ADORA2B: variants seen among roughly 807,000 people sequenced by gnomAD.
ADORA2B encodes adenosine A2b receptor, also known as adenosine receptor A2b.
Under a neutral mutation model 20.8 loss-of-function variants are expected in ADORA2B, and 18 were observed. The ratio of observed to expected loss-of-function variants is 0.87; its 90% CI spans 0.60 to 1.29. ADORA2B has a LOEUF of 1.29. Among genes scored for constraint, ADORA2B ranks in the 50% most tolerant of loss-of-function variants. ADORA2B has a pLI of 0.00. For missense variants in ADORA2B, 441 were observed against 422.7 expected, an observed-to-expected ratio of 1.04 and a Z score of -0.38; for synonymous variants, 179 against 178.3, an observed-to-expected ratio of 1.00 and a Z score of -0.03.
chr17:15,907,350 G>A, the ADORA2B span, among the ~76,000 whole-genome samples: 21 of 152,218 alleles, frequency 1.4e-4, no homozygotes, highest in African/African-American at 5.1e-4. Context: ...CTGTTCAGAT[G>A]TTGAATCAGG....
the ADORA2B span, among the ~76,000 whole-genome samples, chr17:15,865,277 T>G: frequency 6.6e-6 from 1 of 152,138 alleles, no homozygotes; most frequent in Non-Finnish European, 1.5e-5. Flanking sequence ...TGTTGTTGTT[T>G]AAGAGACGGA....
At chr17:15,960,907 A>T (rs1325492657) in intron 1 of ADORA2B, among the ~76,000 whole-genome samples, 2 of 141,260 alleles carry the variant, frequency 1.4e-5, no homozygotes, top group Non-Finnish European at 3.1e-5. Context: ...GTAGCTCACG[A>T]CTATAATCCC....
chr17:15,876,927 C>A, the ADORA2B span, among the ~76,000 whole-genome samples: 1 of 152,136 alleles, frequency 6.6e-6, no homozygotes, highest in Non-Finnish European at 1.5e-5. Flanking sequence ...TTCCCCTTGT[C>A]CCCCAGCCAC....
At chr17:15,872,878 A>G in the ADORA2B span, among the ~76,000 whole-genome samples, 1 of 152,162 alleles carries the variant, frequency 6.6e-6, no homozygotes, top group Non-Finnish European at 1.5e-5. Context: ...CTCTTTTCCA[A>G]TCCGGATACC....
chr17:15,934,985 T>C, the ADORA2B span, among the ~76,000 whole-genome samples: 1 of 152,010 alleles, frequency 6.6e-6, no homozygotes, highest in Non-Finnish European at 1.5e-5. Flanking sequence ...TTTGTATTTT[T>C]TGGTAGAGAC....
chr17:15,969,534 G>C (rs1019845349), intron 1 of ADORA2B, among the ~76,000 whole-genome samples: 1 of 152,092 alleles, frequency 6.6e-6, no homozygotes, highest in Non-Finnish European at 1.5e-5. Context: ...CAGTGTGCCC[G>C]CATCCACCAT....
At chr17:15,881,805 C>T in the ADORA2B span, among the ~76,000 whole-genome samples, 1 of 152,214 alleles carries the variant, frequency 6.6e-6, no homozygotes, top group Admixed American at 6.5e-5. Context: ...GTAGCCCCTA[C>T]CCCATCCTAG....
chr17:15,937,155 ACT>A, the ADORA2B span, among the ~76,000 whole-genome samples: 1 of 152,188 alleles, frequency 6.6e-6, no homozygotes, highest in Admixed American at 6.5e-5. Context: ...CAATGTGGCA[ACT>A]CTGAAAATTG....
chr17:15,967,393 C>T (rs915101531), intron 1 of ADORA2B, among the ~76,000 whole-genome samples: 14 of 152,144 alleles, frequency 9.2e-5, no homozygotes, highest in South Asian at 4.1e-4. Context: ...CCAACACACT[C>T]GGCTAATTTT....
At chr17:15,915,043 C>T in the ADORA2B span, among the ~76,000 whole-genome samples, 2 of 152,230 alleles carry the variant, frequency 1.3e-5, no homozygotes, top group Non-Finnish European at 2.9e-5. Context: ...TGGTATCTCA[C>T]AGTCCTGGGG....
chr17:15,928,814 A>G, the ADORA2B span, among the ~76,000 whole-genome samples: 2 of 152,098 alleles, frequency 1.3e-5, no homozygotes, highest in Non-Finnish European at 2.9e-5. Context: ...GTCTGGCGAC[A>G]GAAGGACAGT....
At chr17:15,930,423 G>T in the ADORA2B span, among the ~76,000 whole-genome samples, 1 of 151,928 alleles carries the variant, frequency 6.6e-6, no homozygotes, top group East Asian at 1.9e-4. Flanking sequence ...AGTCTCCAGA[G>T]GAGCTGGGAC....
At chr17:15,868,631 A>AT in the ADORA2B span, among the ~76,000 whole-genome samples, 14,345 of 130,628 alleles carry the variant, frequency 0.11, 3,006 homozygotes, top group African/African-American at 0.36. Context: ...AAAAAAAAAA[A>AT]TAGCTGGGCG....
At position 15,945,197 on chromosome 17, in the gene ADORA2B, C is replaced by G; in HGVS notation, c.-52C>G. The G allele has an allele frequency of 7.3e-7, 1 of 1,372,264 alleles. No homozygotes were observed. The highest frequency in any genetic ancestry group is 9.4e-7 in the Non-Finnish European group (1 of 1,069,154). The allele number at this position is 1,372,264 out of a possible 1,614,324, so 85.0% of individuals were successfully genotyped here. On this transcript the variant is annotated 5_prime_UTR_variant, in exon 1 of 2. Coordinates refer to ENST00000304222, the MANE Select transcript of ADORA2B (RefSeq NM_000676.4). ...CCCGGCGGGTCTCACGCGGCTGCCCCTCGCCCGGCGCGCCTTCGGTAGGGG... is the reference window on the plus strand; with the variant it reads ...CCCGGCGGGTCTCACGCGGCTGCCCGTCGCCCGGCGCGCCTTCGGTAGGGG...
At chr17:15,851,131 A>T in the ADORA2B span, among the ~76,000 whole-genome samples, 2 of 151,812 alleles carry the variant, frequency 1.3e-5, no homozygotes, top group African/African-American at 2.4e-5. Flanking sequence ...GAAGATCCTT[A>T]TGCAATTTTT....
chr17:15,927,983 G>A, the ADORA2B span, among the ~76,000 whole-genome samples: 1 of 151,950 alleles, frequency 6.6e-6, no homozygotes, highest in South Asian at 2.1e-4. Flanking sequence ...CACCACACCC[G>A]GCTACTTTTT....
chr17:15,938,161 G>A, the ADORA2B span, among the ~76,000 whole-genome samples: 1 of 151,360 alleles, frequency 6.6e-6, no homozygotes, highest in Non-Finnish European at 1.5e-5. Flanking sequence ...AACAGAGGGA[G>A]ACTTTGTCAA....
the ADORA2B span, among the ~76,000 whole-genome samples, chr17:15,861,547 TG>T: frequency 6.6e-6 from 1 of 152,152 alleles, no homozygotes; most frequent in Non-Finnish European, 1.5e-5. Flanking sequence ...TATGGTACAG[TG>T]AGATTGGACC....
upstream of ADORA2B, among the ~76,000 whole-genome samples, chr17:15,943,653 A>T (rs1401077092): frequency 6.6e-6 from 1 of 152,156 alleles, no homozygotes; most frequent in African/African-American, 2.4e-5. Flanking sequence ...TTGAGATATA[A>T]TTTATGTGCC....
Sources: gnomAD v4.1 joint callset for allele counts (sites outside exome capture counted in the v4.1 genomes callset) on GRCh38, gnomAD v4.1.1 for gene constraint, MANE v1.5 for transcripts, NCBI Gene and HGNC (gene_info 2026-07-23, HGNC 2026-07-21) for gene names.